Variants in HEATR4 observed in about 807,000 individuals in gnomAD.
The protein encoded by HEATR4 is HEAT repeat-containing protein 4.
HEATR4 carries 95 observed loss-of-function variants against 108.8 expected under a neutral mutation model. The observed-to-expected ratio is 0.87, with a 90% CI of 0.74 to 1.04. HEATR4 has a LOEUF of 1.04. HEATR4 is among the 50% of genes least tolerant of loss of function. The probability of loss-of-function intolerance (pLI) is 0.00; values close to 1 mark genes in which losing one functional copy is unlikely to be tolerated. For missense variants in HEATR4, 1,152 were observed against 1,253.8 expected (o/e 0.92, Z 1.23); for synonymous variants, 443 against 459.4 (o/e 0.96, Z 0.46).
At chr14:73,615,857 G>C in the HEATR4 span, among the ~76,000 whole-genome samples, 1 of 152,144 alleles carries the variant, frequency 6.6e-6, no homozygotes, top group African/African-American at 2.4e-5. Context: ...CTTGAGGCCA[G>C]GAGTTTGAGA....
the HEATR4 span, among the ~76,000 whole-genome samples, chr14:73,576,663 G>T: frequency 1.3e-5 from 2 of 151,226 alleles, no homozygotes; most frequent in Non-Finnish European, 1.5e-5. Context: ...GACATTGGTG[G>T]TGCATGCCTG....
chr14:73,529,339 A>G (rs1220111881), intron 2 of HEATR4, among the ~76,000 whole-genome samples: 11 of 125,186 alleles, frequency 8.8e-5, no homozygotes, highest in Non-Finnish European at 1.4e-4. Context: ...TGGGCAACAG[A>G]GTGAGACTCT....
the HEATR4 span, among the ~76,000 whole-genome samples, chr14:73,599,060 T>G: frequency 6.6e-6 from 1 of 151,756 alleles, no homozygotes; most frequent in African/African-American, 2.4e-5. Context: ...GATGCTGTGA[T>G]GAAGCTTAAA....
At chr14:73,586,117 G>A in the HEATR4 span, among the ~76,000 whole-genome samples, 1 of 151,926 alleles carries the variant, frequency 6.6e-6, no homozygotes. Context: ...TTTTAGGCTG[G>A]GCACAGTGGC....
At chr14:73,512,530 C>T (rs2140282051) in intron 6 of HEATR4, among the ~76,000 whole-genome samples, 1 of 152,252 alleles carries the variant, frequency 6.6e-6, no homozygotes, top group African/African-American at 2.4e-5. Context: ...TTACTTAACC[C>T]TGAGCCTGAG....
At chr14:73,564,404 G>T in the HEATR4 span, among the ~76,000 whole-genome samples, 30 of 151,854 alleles carry the variant, frequency 2.0e-4, no homozygotes, top group African/African-American at 7.0e-4. Flanking sequence ...AAGCCCAGGA[G>T]TTCGAGACCA....
At chr14:73,612,698 G>T in the HEATR4 span, 1 of 1,400,812 alleles carries the variant, frequency 7.1e-7, no homozygotes. Context: ...CGACGAAGAG[G>T]GCGCGCTCTT....
the HEATR4 span, among the ~76,000 whole-genome samples, chr14:73,606,320 C>T: frequency 2.0e-5 from 3 of 151,976 alleles, no homozygotes; most frequent in African/African-American, 7.2e-5. Flanking sequence ...CCTGCCATTG[C>T]ACTCCAGCCT....
rs1885108664 is a variant in HEATR4, at chr14:73,478,664, C to G, written c.3023G>C (p.Arg1008Thr). Residue 1008 changes from arginine to threonine, a missense_variant, in exon 18 of 18, where the codon AGA becomes ACA. Arg to Thr is a moderately conservative substitution (Grantham distance 71, BLOSUM62 -1). Transcript: ENST00000553558. ...PALYLGKFSE[R>T]TFFSPIMSSP... is the part of the protein sequence containing the mutation. ...AGACATGATGGGAGAAAAAAATGTT[C>G]TCTCTGAGAATTTACCCAGATAAAG... is the stretch of plus-strand genomic sequence containing the variant. 1.9e-6 allele frequency: 3 copies of G among 1,613,848 alleles called. No individual in the cohort carries two copies. Among genetic ancestry groups the G allele is most frequent in the African/African-American group, 2.7e-5 (2 of 74,970 alleles).
At chr14:73,491,494 G>A (rs746737451) in intron 17 of HEATR4, 1 of 1,506,900 alleles carries the variant, frequency 6.6e-7, no homozygotes, top group Non-Finnish European at 8.8e-7. Context: ...CGGCCGTCCA[G>A]TCGTCCGGGG....
At chr14:73,497,455 T>C (rs1886174033) in intron 14 of HEATR4, among the ~76,000 whole-genome samples, 1 of 152,200 alleles carries the variant, frequency 6.6e-6, no homozygotes, top group African/African-American at 2.4e-5. Flanking sequence ...GACTATCACC[T>C]GCATTTGATA....
chr14:73,514,003 CA>C (rs1289149876), intron 6 of HEATR4, 27 bp downstream of exon 6: 5 of 1,605,776 alleles, frequency 3.1e-6, no homozygotes, highest in Non-Finnish European at 3.4e-6. Flanking sequence ...CACAAACGTA[CA>C]GTATCACAGG....
the HEATR4 span, chr14:73,591,649 ACTT>A: frequency 3.1e-6 from 1 of 326,492 alleles, no homozygotes; most frequent in African/African-American, 2.1e-5. Flanking sequence ...TCATCCAACA[ACTT>A]TCATTCCAAC....
At chr14:73,587,346 G>A in the HEATR4 span, among the ~76,000 whole-genome samples, 1 of 133,090 alleles carries the variant, frequency 7.5e-6, no homozygotes, top group East Asian at 2.4e-4. Context: ...CTCCCCTTTT[G>A]GCAACATCCA....
At chr14:73,494,685 G>A (rs1218769732) in intron 16 of HEATR4, among the ~76,000 whole-genome samples, 2 of 152,064 alleles carry the variant, frequency 1.3e-5, no homozygotes, top group African/African-American at 4.8e-5. Flanking sequence ...TTAGTAGATA[G>A]GACTACCAGT....
rs771226679 is a variant in HEATR4 at position 73,496,640 on chromosome 14, A to G, written c.2586T>C (p.Asn862=). The G allele has an allele frequency of 1.2e-6, 2 of 1,601,940 alleles. No homozygotes were observed. Among genetic ancestry groups the G allele is most frequent in the South Asian group, 1.1e-5 (1 of 90,792 alleles). The change falls in exon 15 of 18, where the codon AAT becomes AAC. Residue 862 remains asparagine (N), a synonymous_variant. Transcript: ENST00000553558. ...YQTMKILNLG[N]EGNQEMLQEI... Reference sequence around the variant, plus strand: ...CCTGAAGCATTTCTTGGTTTCCTTCATTTCCTAAGTTGAGTATCTTCATTG... The same window carrying G: ...CCTGAAGCATTTCTTGGTTTCCTTCGTTTCCTAAGTTGAGTATCTTCATTG...
chr14:73,631,350 C>T, the HEATR4 span: 3 of 152,136 alleles, frequency 2.0e-5, no homozygotes, highest in Admixed American at 6.6e-5. Flanking sequence ...GTGGTGCAAT[C>T]CATAGCTCAC....
chr14:73,621,046 T>C, the HEATR4 span, among the ~76,000 whole-genome samples: 1,394 of 151,858 alleles, frequency 9.2e-3, 168 homozygotes, highest in East Asian at 0.25. Context: ...ACCTAGTGTC[T>C]ACTAAAAATA....
At chr14:73,569,836 AGCCG>A in the HEATR4 span, 1 of 1,603,932 alleles carries the variant, frequency 6.2e-7, no homozygotes, top group Non-Finnish European at 8.5e-7. Context: ...GTGCGGCGCG[AGCCG>A]GTGCGCGTGG....
Sources: allele counts gnomAD v4.1 joint callset (sites outside exome capture counted in the v4.1 genomes callset), GRCh38; gene constraint gnomAD v4.1.1; transcripts MANE v1.5; gene names NCBI Gene and HGNC (gene_info 2026-07-23, HGNC 2026-07-21).